The following GRAMD1B variants were observed in gnomAD, a reference collection of about 807,000 sequenced individuals.
GRAMD1B encodes GRAM domain containing 1B.
Under a neutral mutation model 99.7 loss-of-function variants are expected in GRAMD1B, and 37 were observed. The observed-to-expected ratio is 0.37, with a 90% CI of 0.29 to 0.49. The LOEUF (loss-of-function observed/expected upper bound fraction) is 0.49, where lower values mean the gene tolerates loss of function less well. Among genes scored for constraint, GRAMD1B ranks in the 20% least tolerant of loss-of-function variants. The probability of loss-of-function intolerance (pLI) is 0.98; values close to 1 mark genes in which losing one functional copy is unlikely to be tolerated. For synonymous variants in GRAMD1B, 427 were observed against 387.6 expected, an observed-to-expected ratio of 1.10 and a Z score of -1.19; for missense variants, 888 against 1,009.2, an observed-to-expected ratio of 0.88 and a Z score of 1.63.
At chr11:123,410,088 A>T (rs1053966863) in intron 1 of GRAMD1B, among the ~76,000 whole-genome samples, 2 of 152,152 alleles carry the variant, frequency 1.3e-5, no homozygotes, top group Non-Finnish European at 2.9e-5. Context: ...CAGCACAGGG[A>T]GGCCTGCAGG....
chr11:123,372,412 G>T (rs1294987914), intron 1 of GRAMD1B, among the ~76,000 whole-genome samples: 4 of 152,120 alleles, frequency 2.6e-5, no homozygotes, highest in African/African-American at 9.7e-5. Context: ...ACTCATCCAG[G>T]TTCAGAAAAC....
intron 1 of GRAMD1B, among the ~76,000 whole-genome samples, chr11:123,407,210 A>G (rs987314555): frequency 4.6e-5 from 7 of 152,252 alleles, no homozygotes; most frequent in African/African-American, 1.7e-4. Flanking sequence ...GCTGATCTGA[A>G]AATCCCAAAC....
chr11:123,623,362 C>T lies in GRAMD1B; in HGVS notation c.*767C>T, dbSNP rs73029887. 6,915 of 152,332 alleles carry T rather than the reference C, an allele frequency of 0.045. 270 individuals carry two copies. Among genetic ancestry groups the T allele is most frequent in the Admixed American group, 0.13 (2,007 of 15,296 alleles). 9.4% of individuals were successfully genotyped at this position (152,332 alleles called of 1,614,324 possible). A position where few individuals can be genotyped will look rare whatever the true frequency, so the allele number is the denominator to read the frequency against. ...GGTCTTCTCCCAGGCTGGATCTGGG[C>T]GAAGTGTCACTTTTTAGTGCCTAAA... On this transcript the variant is annotated 3_prime_UTR_variant, in exon 20 of 20. Coordinates refer to ENST00000635736, the MANE Select transcript of GRAMD1B (RefSeq NM_001387025.1).
rs115972703 is a variant in GRAMD1B at position 123,393,427 on chromosome 11, C to T, written c.-176+34628C>T. ...AGAAGCCTGACAGGGTGGTTTTAGC[C>T]TAGGCTCTCTCAGGAGGTTGTGCTT... On this transcript the variant is annotated intron_variant, in intron 1 of 20. Transcript: ENST00000638157. 8.9e-3 allele frequency among the ~76,000 whole-genome samples: 1,357 copies of T among 152,264 alleles called. 20 individuals carry two copies. The highest frequency in any genetic ancestry group is 0.031 in the African/African-American group (1,305 of 41,532).
chr11:123,361,124 A>G (rs1482921990), intron 1 of GRAMD1B, among the ~76,000 whole-genome samples: 1 of 152,122 alleles, frequency 6.6e-6, no homozygotes, highest in African/African-American at 2.4e-5. Flanking sequence ...CTGAAATCAC[A>G]TCCTTCTAAG....
At chr11:123,440,425 G>A (rs1400502862) in intron 1 of GRAMD1B, among the ~76,000 whole-genome samples, 4 of 152,076 alleles carry the variant, frequency 2.6e-5, no homozygotes, top group African/African-American at 4.8e-5. Context: ...CGGGAGAATC[G>A]TTTAAACCGG....
intron 1 of GRAMD1B, among the ~76,000 whole-genome samples, chr11:123,414,493 G>GT (rs1309266521): frequency 6.6e-6 from 1 of 152,126 alleles, no homozygotes; most frequent in African/African-American, 2.4e-5. Flanking sequence ...GTATTATTAT[G>GT]TTTTTATAGA....
intron 2 of GRAMD1B, among the ~76,000 whole-genome samples, chr11:123,549,278 C>T (rs1945376047): frequency 6.6e-6 from 1 of 152,134 alleles, no homozygotes; most frequent in South Asian, 2.1e-4. Context: ...GGCGCAGCAG[C>T]TCATGCCTGT....
At chr11:123,518,563 C>G (rs1941898210) in intron 2 of GRAMD1B, among the ~76,000 whole-genome samples, 1 of 152,096 alleles carries the variant, frequency 6.6e-6, no homozygotes, top group South Asian at 2.1e-4. Flanking sequence ...GGTGTTTTTA[C>G]CTTTTACTTT....
intron 2 of GRAMD1B, among the ~76,000 whole-genome samples, chr11:123,522,316 T>C (rs529080028): frequency 6.6e-6 from 1 of 152,126 alleles, no homozygotes; most frequent in Admixed American, 6.5e-5. Context: ...CCTTTTGAGA[T>C]TTTCTTTTTC....
At position 123,626,217 on chromosome 11, in the gene GRAMD1B, T is replaced by G. The variant is rs1217636711; in HGVS notation, c.*3622T>G. On this transcript the variant is annotated 3_prime_UTR_variant, in exon 20 of 20. Transcript: ENST00000635736. ...TCTGGTTCTAGCACTTCTCTTTTGT[T>G]AAGATAGGGTTTGGATTTAGTATGA... 1.3e-5 allele frequency: 2 copies of G among 152,162 alleles called. No individual in the cohort carries two copies. Among genetic ancestry groups the G allele is most frequent in the Non-Finnish European group, 2.9e-5 (2 of 68,028 alleles). 9.4% of individuals were successfully genotyped at this position (152,162 alleles called of 1,614,324 possible).
At chr11:123,496,483 C>T (rs966763210) in intron 2 of GRAMD1B, among the ~76,000 whole-genome samples, 3 of 152,004 alleles carry the variant, frequency 2.0e-5, no homozygotes, top group Non-Finnish European at 4.4e-5. Context: ...CCTTCTTGTA[C>T]TTCAATATTG....
chr11:123,461,361 C>T (rs1348155309), intron 1 of GRAMD1B, among the ~76,000 whole-genome samples: 2 of 152,246 alleles, frequency 1.3e-5, no homozygotes, highest in African/African-American at 2.4e-5. Context: ...TTTCTGTCTG[C>T]AGCTGGCCGA....
intron 1 of GRAMD1B, among the ~76,000 whole-genome samples, chr11:123,394,883 G>C (rs1057311715): frequency 6.6e-6 from 1 of 152,180 alleles, no homozygotes; most frequent in African/African-American, 2.4e-5. Flanking sequence ...GAGGAACCCT[G>C]TTCCTCACTT....
At chr11:123,603,285 G>T (rs1432590770) in intron 8 of GRAMD1B, 141 bp from the exon 9 acceptor site, 4 of 628,846 alleles carry the variant, frequency 6.4e-6, no homozygotes, top group Non-Finnish European at 1.2e-5. Flanking sequence ...AGGCAGATGG[G>T]GGTGGTGGCT....
At chr11:123,594,694 C>A in intron 5 of GRAMD1B, 41 bp from the exon 6 acceptor site, 1 of 1,061,228 alleles carries the variant, frequency 9.4e-7, no homozygotes, top group Non-Finnish European at 1.5e-6. Flanking sequence ...GCCGAAAATG[C>A]TTCCTGCCTC....
chr11:123,488,505 A>G (rs780005352), intron 2 of GRAMD1B, among the ~76,000 whole-genome samples: 2 of 152,328 alleles, frequency 1.3e-5, no homozygotes, highest in Admixed American at 6.5e-5. Flanking sequence ...AGATGAAGAC[A>G]TGGTCCCTGC....
At chr11:123,441,284 G>A (rs1050537624) in intron 1 of GRAMD1B, among the ~76,000 whole-genome samples, 1 of 152,008 alleles carries the variant, frequency 6.6e-6, no homozygotes, top group Non-Finnish European at 1.5e-5. Context: ...TTTCATAAGA[G>A]ATCCTCCCCC....
chr11:123,595,807 A>G, intron 6 of GRAMD1B, 135 bp from the exon 7 acceptor site: 1 of 573,016 alleles, frequency 1.7e-6, no homozygotes, highest in South Asian at 2.2e-5. Flanking sequence ...ATGATCACCA[A>G]TGCGGCCTCT....
Sources: allele counts gnomAD v4.1 joint callset (sites outside exome capture counted in the v4.1 genomes callset), GRCh38; gene constraint gnomAD v4.1.1; transcripts MANE v1.5; gene names NCBI Gene and HGNC (gene_info 2026-07-23, HGNC 2026-07-21).